THADA: variants seen among roughly 807,000 people sequenced by gnomAD.
THADA encodes tRNA (32-2'-O)-methyltransferase regulator THADA.
In THADA, 213 loss-of-function variants were observed where a neutral mutation model predicts 219.8. That is an observed-to-expected ratio of 0.97 (90% CI 0.87 to 1.09). The LOEUF (loss-of-function observed/expected upper bound fraction) is 1.09. THADA is among the 50% of genes least tolerant of loss of function. The pLI is 0.00. For missense variants in THADA, 2,956 were observed against 2,311.3 expected (o/e 1.28, Z -5.72); for synonymous variants, 1,018 against 828.9 (o/e 1.23, Z -3.92).
chr2:43,430,127 A>C (rs1679044009), intron 27 of THADA, 86 bp downstream of exon 27: 1 of 635,426 alleles, frequency 1.6e-6, no homozygotes, highest in East Asian at 3.3e-5. Context: ...AATTTTATTA[A>C]AAACAGCTGC....
At chr2:43,246,171 C>T (rs1429266691) in intron 36 of THADA, among the ~76,000 whole-genome samples, 1 of 151,998 alleles carries the variant, frequency 6.6e-6, no homozygotes, top group Non-Finnish European at 1.5e-5. Context: ...CAGAAAGTTC[C>T]CTTACTAGGC....
At chr2:43,591,895 A>T in intron 3 of THADA, 57 bp downstream of exon 3, 4 of 1,187,446 alleles carry the variant, frequency 3.4e-6, no homozygotes, top group Non-Finnish European at 3.4e-6. Flanking sequence ...TTTTTTTTAA[A>T]TCCTTAATAG....
chr2:43,553,650 G>A (rs1418541143), intron 17 of THADA, among the ~76,000 whole-genome samples: 2 of 152,266 alleles, frequency 1.3e-5, no homozygotes, highest in East Asian at 1.9e-4. Flanking sequence ...GGAACTGCAG[G>A]GTCACATGGT....
intron 26 of THADA, chr2:43,462,935 A>G (rs1275174155): frequency 6.6e-6 from 1 of 152,222 alleles, no homozygotes; most frequent in East Asian, 1.9e-4. Context: ...GCAAATGAGA[A>G]AAGGTCAAAG....
At chr2:43,372,624 A>G (rs1670935620) in intron 29 of THADA, among the ~76,000 whole-genome samples, 1 of 152,168 alleles carries the variant, frequency 6.6e-6, no homozygotes, top group Non-Finnish European at 1.5e-5. Flanking sequence ...TTTCTACAAC[A>G]TGAGTTTTCT....
chr2:43,397,640 G>A (rs1019634387), intron 29 of THADA, among the ~76,000 whole-genome samples: 4 of 151,770 alleles, frequency 2.6e-5, no homozygotes, highest in Non-Finnish European at 4.4e-5. Flanking sequence ...ATAGGTAGTA[G>A]CCCAGAATGT....
At chr2:43,507,334 A>G (rs1479600765) in intron 23 of THADA, among the ~76,000 whole-genome samples, 1 of 152,224 alleles carries the variant, frequency 6.6e-6, no homozygotes, top group African/African-American at 2.4e-5. Context: ...AATACTTAGT[A>G]TAAGTTGGGC....
At chr2:43,283,545 G>A (rs898117872) in intron 35 of THADA, among the ~76,000 whole-genome samples, 4 of 152,256 alleles carry the variant, frequency 2.6e-5, no homozygotes, top group Admixed American at 2.0e-4. Flanking sequence ...AGATGCAGAT[G>A]AGGAACTTAT....
intron 29 of THADA, among the ~76,000 whole-genome samples, chr2:43,344,756 AG>A (rs1463880404): frequency 6.7e-6 from 1 of 150,136 alleles, no homozygotes; most frequent in Non-Finnish European, 1.5e-5. Context: ...GTAACTATTT[AG>A]GGTTTTTTTT....
At chr2:43,290,295 GCTATAGTTT>G (rs936738350) in intron 34 of THADA, among the ~76,000 whole-genome samples, 4 of 151,466 alleles carry the variant, frequency 2.6e-5, no homozygotes, top group Admixed American at 6.6e-5. Flanking sequence ...CCCTTCCTGG[GCTATAGTTT>G]TTAGCAAATC....
chr2:43,373,828 T>A (rs1190710267), intron 29 of THADA, among the ~76,000 whole-genome samples: 1 of 152,220 alleles, frequency 6.6e-6, no homozygotes, highest in African/African-American at 2.4e-5. Context: ...GGAAAACTCA[T>A]TTCTAATATT....
intron 21 of THADA, among the ~76,000 whole-genome samples, chr2:43,535,168 CTTTTTTTTT>C (rs549879408): frequency 1.9e-5 from 1 of 52,510 alleles, no homozygotes; most frequent in African/African-American, 8.9e-5. Flanking sequence ...ATCATTTGTC[CTTTTTTTTT>C]TTTTTTTTTT....
intron 4 of THADA, among the ~76,000 whole-genome samples, chr2:43,588,590 T>C (rs1287838225): frequency 1.3e-5 from 2 of 152,078 alleles, no homozygotes; most frequent in East Asian, 1.9e-4. Flanking sequence ...ATTCCACACA[T>C]TAAAAAATGT....
intron 26 of THADA, among the ~76,000 whole-genome samples, chr2:43,454,928 T>G (rs1682801569): frequency 6.9e-6 from 1 of 144,240 alleles, no homozygotes. Context: ...GTATATGAGC[T>G]GTTTTTTTTT....
chr2:43,521,072 A>AGGAAGGGAAGGAAG (rs1692393362), intron 22 of THADA, among the ~76,000 whole-genome samples: 8 of 127,354 alleles, frequency 6.3e-5, no homozygotes, highest in Admixed American at 5.8e-4. Flanking sequence ...AGGGAAGGAT[A>AGGAAGGGAAGGAAG]GGAAGGGAAG....
chr2:43,593,394 T>C (rs942077679), intron 1 of THADA, among the ~76,000 whole-genome samples: 1 of 152,134 alleles, frequency 6.6e-6, no homozygotes, highest in African/African-American at 2.4e-5. Context: ...ATGATTTTAT[T>C]CAAACAGGCC....
intron 29 of THADA, among the ~76,000 whole-genome samples, chr2:43,347,865 C>T (rs184002490): frequency 6.6e-6 from 1 of 152,236 alleles, no homozygotes; most frequent in Admixed American, 6.5e-5. Context: ...CAGACAAAGA[C>T]CTTAAAGGCA....
chr2:43,508,930 T>C, intron 22 of THADA, 150 bp from the exon 23 acceptor site: 1 of 719,178 alleles, frequency 1.4e-6, no homozygotes, highest in Non-Finnish European at 2.2e-6. Context: ...TTTCACCTAC[T>C]TTCCTCTTTA....
intron 36 of THADA, among the ~76,000 whole-genome samples, chr2:43,271,946 A>G (rs895295615): frequency 3.9e-5 from 6 of 152,196 alleles, no homozygotes; most frequent in African/African-American, 1.2e-4. Flanking sequence ...GTGGAGAGAA[A>G]CAAATAACAA....
Sources: gnomAD v4.1 joint callset for allele counts (sites outside exome capture counted in the v4.1 genomes callset) on GRCh38, gnomAD v4.1.1 for gene constraint, MANE v1.5 for transcripts, NCBI Gene and HGNC (gene_info 2026-07-23, HGNC 2026-07-21) for gene names.